The following GLIS3 variants were observed in gnomAD, a reference collection of about 807,000 sequenced individuals.
GLIS3 encodes the protein zinc finger protein GLIS3.
In GLIS3, 53 loss-of-function variants were observed where a neutral mutation model predicts 78.6. The ratio of observed to expected loss-of-function variants is 0.67; its 90% CI spans 0.54 to 0.85. The LOEUF (loss-of-function observed/expected upper bound fraction) is 0.85. GLIS3 is among the 40% of genes least tolerant of loss of function. The probability of loss-of-function intolerance (pLI) is 0.00; values close to 1 mark genes in which losing one functional copy is unlikely to be tolerated. For synonymous variants in GLIS3, 684 were observed against 509.9 expected, an observed-to-expected ratio of 1.34 and a Z score of -4.60; for missense variants, 1,703 against 1,231.1, an observed-to-expected ratio of 1.38 and a Z score of -5.74.
At chr9:4,170,203 G>A (rs901422015) in intron 2 of GLIS3, among the ~76,000 whole-genome samples, 3 of 152,150 alleles carry the variant, frequency 2.0e-5, no homozygotes, top group East Asian at 1.9e-4. Flanking sequence ...TTGAAAATAC[G>A]AGTTTCAAAT....
the GLIS3 span, among the ~76,000 whole-genome samples, chr9:4,426,049 G>C: frequency 6.6e-6 from 1 of 152,144 alleles, no homozygotes; most frequent in Non-Finnish European, 1.5e-5. Context: ...ATACGTTCAT[G>C]CAATGCAAAA....
intron 9 of GLIS3, among the ~76,000 whole-genome samples, chr9:3,850,026 G>A (rs543674240): frequency 6.6e-6 from 1 of 152,312 alleles, no homozygotes; most frequent in South Asian, 2.1e-4. Flanking sequence ...GCACAAATGT[G>A]TATTAAAAAT....
Position 4,050,021 on chromosome 9 carries a change from C to A in GLIS3, c.1710+67747G>T, listed in dbSNP as rs554250420. Among the ~76,000 whole-genome samples, 85 of 152,120 alleles carry A rather than the reference C, an allele frequency of 5.6e-4. No individual in the cohort carries two copies. The South Asian group carries it at 8.7e-3, about 16-fold the overall frequency. ...GGTGGGACTGTAAACTAGTTCAACCCATGTGGAAGACAGTGTGGCAATTCC... is the reference window on the plus strand; with the variant it reads ...GGTGGGACTGTAAACTAGTTCAACCAATGTGGAAGACAGTGTGGCAATTCC... On this transcript the variant is annotated intron_variant, in intron 4 of 10. Coordinates refer to ENST00000381971, the MANE Select transcript of GLIS3 (RefSeq NM_001042413.2).
Position 4,231,252 on chromosome 9 carries a change from T to C in GLIS3, c.388+54786A>G, listed in dbSNP as rs183208843. On this transcript the variant is annotated intron_variant, in intron 2 of 10. Coordinates refer to ENST00000381971, the MANE Select transcript of GLIS3 (RefSeq NM_001042413.2). ...AGTCAACTGAACTAGAAAAACTCAA[T>C]GAATGAGTTCAAATCTATACGTGAC... Among the ~76,000 whole-genome samples the C allele has an allele frequency of 2.6e-3, 392 of 152,208 alleles. 3 individuals carry two copies. The highest frequency in any genetic ancestry group is 9.0e-3 in the African/African-American group (372 of 41,530).
At chr9:4,387,021 C>A in the GLIS3 span, among the ~76,000 whole-genome samples, 1 of 152,290 alleles carries the variant, frequency 6.6e-6, no homozygotes, top group South Asian at 2.1e-4. Flanking sequence ...GTGGTGTCTT[C>A]ACCTGGAACT....
chr9:4,193,201 T>C (rs759351199), intron 2 of GLIS3, among the ~76,000 whole-genome samples: 3 of 152,264 alleles, frequency 2.0e-5, no homozygotes, highest in Non-Finnish European at 4.4e-5. Context: ...CCCTATGGGC[T>C]AAGAATGTTC....
intron 4 of GLIS3, among the ~76,000 whole-genome samples, chr9:4,027,156 TA>T (rs1477518882): frequency 6.6e-6 from 1 of 152,198 alleles, no homozygotes; most frequent in Non-Finnish European, 1.5e-5. Context: ...ACACAGTAGT[TA>T]ACAATCCACT....
In GLIS3 at chr9:3,836,097, G is replaced by A. The variant is rs1311581911; in HGVS notation, c.2474-6605C>T. On this transcript the variant is annotated intron_variant, in intron 9 of 10. Coordinates refer to ENST00000381971, the MANE Select transcript of GLIS3 (RefSeq NM_001042413.2). ...TTTTGACTGTGGTTCCCTTTGTTTGGCCCTGTCTGCTGATGGCAGGTATAG... is the reference window on the plus strand; with the variant it reads ...TTTTGACTGTGGTTCCCTTTGTTTGACCCTGTCTGCTGATGGCAGGTATAG... 4.6e-5 allele frequency among the ~76,000 whole-genome samples: 7 copies of A among 152,302 alleles called. No individual in the cohort carries two copies. The South Asian group carries it at 1.2e-3, about 27-fold the overall frequency.
At chr9:4,297,672 C>T (rs1323067545) in intron 1 of GLIS3, among the ~76,000 whole-genome samples, 4 of 152,158 alleles carry the variant, frequency 2.6e-5, no homozygotes, top group African/African-American at 4.8e-5. Context: ...CCGGAAGCAC[C>T]TCCCTACCCC....
chr9:3,947,018 C>T lies in GLIS3; in HGVS notation c.1711-9829G>A, dbSNP rs114228542. Among the ~76,000 whole-genome samples, 635 of 144,618 alleles carry T rather than the reference C, an allele frequency of 4.4e-3. 4 individuals are homozygous for T. Among genetic ancestry groups the T allele is most frequent in the African/African-American group, 0.015 (610 of 40,962 alleles). 94.9% of individuals were successfully genotyped at this position (144,618 alleles called of 152,430 possible). A position where few individuals can be genotyped will look rare whatever the true frequency, so the allele number is the denominator to read the frequency against. On this transcript the variant is annotated intron_variant, in intron 4 of 10. Transcript: ENST00000381971. ...CCATCCTACAGCCAACCCCTCACGA[C>T]GCCACGCCTCTGTCGGCCATCCTAC... is the stretch of plus-strand genomic sequence containing the variant.
intron 2 of GLIS3, among the ~76,000 whole-genome samples, chr9:4,317,297 C>T (rs1365333486): frequency 1.3e-5 from 2 of 152,202 alleles, no homozygotes; most frequent in Non-Finnish European, 2.9e-5. Flanking sequence ...CTTACCCATG[C>T]ACTGGCTTCT....
At chr9:4,374,797 G>A in the GLIS3 span, among the ~76,000 whole-genome samples, 6 of 152,224 alleles carry the variant, frequency 3.9e-5, no homozygotes, top group African/African-American at 1.4e-4. Context: ...CACTCGGAGA[G>A]AACCACCGTC....
intron 2 of GLIS3, among the ~76,000 whole-genome samples, chr9:4,255,398 C>CA (rs1225629066): frequency 3.3e-4 from 50 of 151,864 alleles, no homozygotes; most frequent in Admixed American, 1.5e-3. Context: ...GGTCCACACA[C>CA]AAAAAAAACC....
intron 2 of GLIS3, among the ~76,000 whole-genome samples, chr9:4,316,044 A>C (rs1226648999): frequency 6.6e-6 from 1 of 152,212 alleles, no homozygotes; most frequent in Non-Finnish European, 1.5e-5. Flanking sequence ...ATCACAATGG[A>C]AATTTTAAAT....
intron 2 of GLIS3, among the ~76,000 whole-genome samples, chr9:4,273,543 T>C (rs1826710381): frequency 1.3e-5 from 2 of 152,008 alleles, no homozygotes; most frequent in African/African-American, 2.4e-5. Flanking sequence ...CAGTGAGCTA[T>C]GATGGTGCCA....
chr9:4,322,222 A>G (rs962231158), intron 2 of GLIS3, among the ~76,000 whole-genome samples: 11 of 152,064 alleles, frequency 7.2e-5, no homozygotes, highest in African/African-American at 1.7e-4. Context: ...CCTTTTTTAT[A>G]GCTGCATAGT....
chr9:3,892,412 T>C (rs1384289234), intron 7 of GLIS3, among the ~76,000 whole-genome samples: 1 of 152,052 alleles, frequency 6.6e-6, no homozygotes, highest in Admixed American at 6.6e-5. Context: ...CCCATGACAA[T>C]ATTGAGGAAG....
In GLIS3 at chr9:4,151,655, G is replaced by C. The variant is rs77764916; in HGVS notation, c.389-25714C>G. On this transcript the variant is annotated intron_variant, in intron 2 of 10. Transcript: ENST00000381971. ...GTTTTGCACTGAGGGGATTTCTTTG[G>C]ATTGTGGCCTTTCTTCATCTTTGTT... Among the ~76,000 whole-genome samples, 859 of 152,264 alleles carry C rather than the reference G, an allele frequency of 5.6e-3. 11 individuals are homozygous for C. The highest frequency in any genetic ancestry group is 0.02 in the African/African-American group (830 of 41,536).
At chr9:3,934,467 T>C (rs1198893107) in intron 5 of GLIS3, among the ~76,000 whole-genome samples, 1 of 151,308 alleles carries the variant, frequency 6.6e-6, no homozygotes, top group Non-Finnish European at 1.5e-5. Flanking sequence ...TGGAGTGCAA[T>C]GGCACAATCT....
Sources: gnomAD v4.1 joint callset for allele counts (sites outside exome capture counted in the v4.1 genomes callset) on GRCh38, gnomAD v4.1.1 for gene constraint, MANE v1.5 for transcripts, NCBI Gene and HGNC (gene_info 2026-07-23, HGNC 2026-07-21) for gene names.